CELF2: variants seen among roughly 807,000 people sequenced by gnomAD.
CELF2 encodes CUGBP Elav-like family member 2, also known as CUG triplet repeat RNA-binding protein 2.
A neutral mutation model predicts 62.6 loss-of-function variants in CELF2; 8 were observed. The observed-to-expected ratio is 0.13, with a 90% CI of 0.07 to 0.23. The LOEUF (loss-of-function observed/expected upper bound fraction) is 0.23. CELF2 is among the 10% of genes least tolerant of loss of function. CELF2 has a pLI of 1.00. For synonymous variants in CELF2, 258 were observed against 250.0 expected (o/e 1.03, Z -0.30); for missense variants, 333 against 671.0 (o/e 0.50, Z 5.56).
Position 11,321,421 on chromosome 10 carries a change from C to G in CELF2, c.1294+35C>G, listed in dbSNP as rs761967348. 1 of 1,572,996 alleles carries G rather than the reference C, an allele frequency of 6.4e-7. No individual in the cohort carries two copies. The highest frequency in any genetic ancestry group is 1.1e-5 in the South Asian group (1 of 90,096). ...GCCCTTGGCCCCAGGCAGGGCCCAGCCCAACAGGCAGCACTGGCCTCTAGA... is the reference window on the plus strand; with the variant it reads ...GCCCTTGGCCCCAGGCAGGGCCCAGGCCAACAGGCAGCACTGGCCTCTAGA... On this transcript the variant is annotated intron_variant, in intron 11 of 12. Coordinates refer to ENST00000633077, the MANE Select transcript of CELF2 (RefSeq NM_001326342.2). This position sits in a 1 kb window ranked among gnomAD's most constrained non-coding sequence, Gnocchi z 6.2.
chr10:11,082,638 C>A (rs1238150977), intron 1 of CELF2, among the ~76,000 whole-genome samples: 2 of 152,210 alleles, frequency 1.3e-5, no homozygotes, highest in Non-Finnish European at 2.9e-5. Flanking sequence ...CCTTCCAGTT[C>A]TAAAAATGCT....
At chr10:10,667,294 C>T in the CELF2 span, among the ~76,000 whole-genome samples, 19 of 152,224 alleles carry the variant, frequency 1.2e-4, no homozygotes, top group South Asian at 1.9e-3. Flanking sequence ...TAGTGACTGC[C>T]CCTGTCAGTC....
At chr10:10,749,482 C>T in the CELF2 span, among the ~76,000 whole-genome samples, 8 of 152,108 alleles carry the variant, frequency 5.3e-5, no homozygotes, top group East Asian at 1.5e-3. Flanking sequence ...CATCAATGTG[C>T]AAACGATATT....
intron 9 of CELF2, among the ~76,000 whole-genome samples, chr10:11,301,713 G>C (rs1226461194): frequency 1.3e-5 from 2 of 150,926 alleles, no homozygotes; most frequent in Non-Finnish European, 3.0e-5. Context: ...GCCCTGGCCC[G>C]GTGGCACCAC....
At chr10:11,322,087 A>G (rs1463263703) in intron 11 of CELF2, among the ~76,000 whole-genome samples, 1 of 152,074 alleles carries the variant, frequency 6.6e-6, no homozygotes, top group Admixed American at 6.5e-5. Flanking sequence ...TTCCCCTTAC[A>G]CAGAAACTAC....
chr10:11,171,131 C>A (rs950082282), intron 2 of CELF2: 3 of 152,210 alleles, frequency 2.0e-5, no homozygotes, highest in African/African-American at 7.2e-5. Flanking sequence ...AAAAAACTTC[C>A]TTTTTTCTTG....
At position 10,931,032 on chromosome 10, in the gene CELF2, C is replaced by T. The variant is rs559843834; in HGVS notation, c.89+11033C>T. Among the ~76,000 whole-genome samples, 17 of 152,140 alleles carry T rather than the reference C, an allele frequency of 1.1e-4. No homozygotes were observed. Among genetic ancestry groups the T allele is most frequent in the East Asian group, 3.8e-4 (2 of 5,204 alleles). On this transcript the variant is annotated intron_variant, in intron 2 of 13. Transcript: ENST00000636488. The surrounding 1 kb of genome is among the most constrained non-coding windows in gnomAD (Gnocchi z 6.1). ...GGCTTCCACTGATGTTTGGGATTGTCGAGCTACCAAGAACACATAAATTAA... is the reference window on the plus strand; with the variant it reads ...GGCTTCCACTGATGTTTGGGATTGTTGAGCTACCAAGAACACATAAATTAA...
chr10:10,997,466 GT>G lies in CELF2; in HGVS notation c.89+77468del, dbSNP rs2054078605. ...AGGAAGGCTGATGCACTCCACTGTG[GT>G]CTTTATTAAGCTTGTGTGGTTTACT... is the stretch of plus-strand genomic sequence containing the variant. On this transcript the variant is annotated intron_variant, in intron 2 of 13. Coordinates refer to the CELF2 transcript ENST00000636488. This position sits in a 1 kb window ranked among gnomAD's most constrained non-coding sequence, Gnocchi z 5.3. Among the ~76,000 whole-genome samples, 1 of 152,130 alleles carries G rather than the reference GT, an allele frequency of 6.6e-6. No homozygotes were observed. The highest frequency in any genetic ancestry group is 6.6e-5 in the Admixed American group (1 of 15,266).
the CELF2 span, among the ~76,000 whole-genome samples, chr10:10,752,688 C>CAAA: frequency 7.4e-3 from 438 of 58,810 alleles, 15 homozygotes; most frequent in African/African-American, 0.019. Context: ...GACTCCGTCT[C>CAAA]AAAAAAAAAA....
At chr10:10,850,954 C>T (rs1430424752) in intron 1 of CELF2, among the ~76,000 whole-genome samples, 1 of 151,992 alleles carries the variant, frequency 6.6e-6, no homozygotes, top group Non-Finnish European at 1.5e-5. Flanking sequence ...TATAGGCGCC[C>T]CCCACCATGC....
At chr10:10,696,038 C>T in the CELF2 span, among the ~76,000 whole-genome samples, 14 of 151,244 alleles carry the variant, frequency 9.3e-5, no homozygotes, top group East Asian at 7.8e-4. Context: ...AGCTTTGTTC[C>T]GTTGCTGGTG....
chr10:10,504,937 T>A, the CELF2 span, among the ~76,000 whole-genome samples: 1 of 152,168 alleles, frequency 6.6e-6, no homozygotes, highest in Non-Finnish European at 1.5e-5. Context: ...TCCATTTGCT[T>A]CAAGTATGTT....
chr10:10,531,821 A>G, the CELF2 span, among the ~76,000 whole-genome samples: 1 of 152,374 alleles, frequency 6.6e-6, no homozygotes, highest in South Asian at 2.1e-4. Context: ...AATAAAAGGC[A>G]ATATCAATCC....
Position 11,177,460 on chromosome 10 carries a change from G to A in CELF2, c.271+11778G>A, listed in dbSNP as rs547374681. On this transcript the variant is annotated intron_variant, in intron 2 of 12. Coordinates refer to ENST00000633077, the MANE Select transcript of CELF2 (RefSeq NM_001326342.2). The surrounding 1 kb of genome is among the most constrained non-coding windows in gnomAD (Gnocchi z 4.8). The stretch of plus-strand genomic sequence containing the variant: ...AGAGAAAATTAGGTTATTAAAAGGA[G>A]GATATGAACCAAAATGTTGGCATGA... Among the ~76,000 whole-genome samples, 54 of 151,936 alleles carry A rather than the reference G, an allele frequency of 3.6e-4. No homozygotes were observed. The highest frequency in any genetic ancestry group is 5.7e-4 in the Non-Finnish European group (39 of 67,964).
chr10:10,775,950 C>T, the CELF2 span, among the ~76,000 whole-genome samples: 1 of 152,244 alleles, frequency 6.6e-6, no homozygotes, highest in African/African-American at 2.4e-5. Flanking sequence ...ACTGCACCCT[C>T]ACTGTGCTGC....
rs922615950 is a variant in CELF2, at chr10:11,300,527, C to T, written c.976+11975C>T. The stretch of plus-strand genomic sequence containing the variant: ...GCCCAGTGTCACTTTCCAACCCTAC[C>T]TCCTCTTCCTCAGTCACCCCGCCCC... On this transcript the variant is annotated intron_variant, in intron 9 of 12. Transcript: ENST00000633077. The surrounding 1 kb of genome is among the most constrained non-coding windows in gnomAD (Gnocchi z 5.5). 1.3e-5 allele frequency among the ~76,000 whole-genome samples: 2 copies of T among 152,196 alleles called. No homozygotes were observed. The highest frequency in any genetic ancestry group is 4.1e-4 in the South Asian group (2 of 4,828).
intron 2 of CELF2, among the ~76,000 whole-genome samples, chr10:11,202,971 GTA>G (rs1491204748): frequency 7.9e-6 from 1 of 126,996 alleles, no homozygotes; most frequent in African/African-American, 3.0e-5. Context: ...GTGTGTGTGT[GTA>G]ATCCAAACAG....
At chr10:10,634,141 A>C in the CELF2 span, among the ~76,000 whole-genome samples, 2 of 152,112 alleles carry the variant, frequency 1.3e-5, no homozygotes, top group Non-Finnish European at 2.9e-5. Flanking sequence ...TTACAAATTC[A>C]TGTAAGATTC....
At chr10:10,612,756 G>A in the CELF2 span, among the ~76,000 whole-genome samples, 1 of 152,156 alleles carries the variant, frequency 6.6e-6, no homozygotes, top group Non-Finnish European at 1.5e-5. Context: ...CACCACATCT[G>A]ACCAGTTTGC....
Sources: allele counts gnomAD v4.1 joint callset (sites outside exome capture counted in the v4.1 genomes callset), GRCh38; gene constraint gnomAD v4.1.1; non-coding constraint Gnocchi (gnomAD v3.1); transcripts MANE v1.5; gene names NCBI Gene and HGNC (gene_info 2026-07-23, HGNC 2026-07-21).